CSMD3: variants seen among roughly 807,000 people sequenced by gnomAD.
The protein encoded by CSMD3 is CUB and Sushi multiple domains 3.
Under a neutral mutation model 435.2 loss-of-function variants are expected in CSMD3, and 177 were observed. The observed-to-expected ratio is 0.41, with a 90% confidence interval of 0.36 to 0.46. The LOEUF (loss-of-function observed/expected upper bound fraction) is 0.46, where lower values mean the gene tolerates loss of function less well. Ranked by LOEUF, CSMD3 falls within the 20% of genes least tolerant of loss-of-function variation. The pLI is 0.34. For synonymous variants in CSMD3, 1,656 were observed against 1,520.5 expected, an observed-to-expected ratio of 1.09 and a Z score of -2.07; for missense variants, 4,265 against 4,504.6, an observed-to-expected ratio of 0.95 and a Z score of 1.52.
chr8:113,275,929 G>T (rs1038073289), intron 3 of CSMD3, among the ~76,000 whole-genome samples: 1 of 151,964 alleles, frequency 6.6e-6, no homozygotes, highest in Non-Finnish European at 1.5e-5. Flanking sequence ...TCATACACAG[G>T]GCAAGAGTTG....
At chr8:112,292,075 G>A (rs2130683119) in intron 55 of CSMD3, among the ~76,000 whole-genome samples, 1 of 151,838 alleles carries the variant, frequency 6.6e-6, no homozygotes, top group East Asian at 1.9e-4. Context: ...GAAAAACATC[G>A]AAGAGTTCTC....
chr8:112,948,981 T>A (rs1349169311), intron 8 of CSMD3, among the ~76,000 whole-genome samples: 1 of 152,002 alleles, frequency 6.6e-6, no homozygotes, highest in Non-Finnish European at 1.5e-5. Context: ...ACAATCATAG[T>A]TCACTGTAGC....
intron 15 of CSMD3, among the ~76,000 whole-genome samples, chr8:112,683,543 G>T (rs1440726076): frequency 6.6e-6 from 1 of 151,842 alleles, no homozygotes; most frequent in African/African-American, 2.4e-5. Context: ...TAATAAAAAT[G>T]GGTTTATTTG....
At chr8:112,973,960 A>G (rs1230305004) in intron 7 of CSMD3, among the ~76,000 whole-genome samples, 1 of 151,926 alleles carries the variant, frequency 6.6e-6, no homozygotes, top group Non-Finnish European at 1.5e-5. Context: ...TTTGAAAAAT[A>G]AATGAGGAAT....
At chr8:112,373,258 T>C (rs1249200107) in intron 38 of CSMD3, among the ~76,000 whole-genome samples, 1 of 152,094 alleles carries the variant, frequency 6.6e-6, no homozygotes, top group Admixed American at 6.6e-5. Context: ...CTGGTATTCA[T>C]AGTGTGATTA....
chr8:112,380,203 G>T (rs1302270785), intron 38 of CSMD3, 149 bp downstream of exon 38: 1 of 548,226 alleles, frequency 1.8e-6, no homozygotes, highest in Non-Finnish European at 3.2e-6. Context: ...TTTTGCAATT[G>T]AACTGAAGTA....
intron 1 of CSMD3, among the ~76,000 whole-genome samples, chr8:113,409,664 T>G (rs902696265): frequency 1.3e-5 from 2 of 152,198 alleles, no homozygotes; most frequent in Admixed American, 1.3e-4. Context: ...TCGGTTGAAG[T>G]TCTTTTATCA....
chr8:112,365,850 G>C (rs1467658659), intron 38 of CSMD3, among the ~76,000 whole-genome samples: 2 of 152,058 alleles, frequency 1.3e-5, no homozygotes, highest in Non-Finnish European at 2.9e-5. Flanking sequence ...AATTGAAGAG[G>C]ATCAATGTTT....
At chr8:112,517,514 GAA>G (rs1823802709) in intron 27 of CSMD3, among the ~76,000 whole-genome samples, 1 of 151,688 alleles carries the variant, frequency 6.6e-6, no homozygotes, top group African/African-American at 2.4e-5. Flanking sequence ...TATTTGTTAG[GAA>G]CATATCCGCA....
intron 10 of CSMD3, among the ~76,000 whole-genome samples, chr8:112,863,839 A>C (rs1009873725): frequency 3.3e-5 from 5 of 149,272 alleles, no homozygotes; most frequent in African/African-American, 1.2e-4. Context: ...CCATGCCTAC[A>C]GTCTCAGAAA....
chr8:112,716,673 C>G (rs1587060223), intron 13 of CSMD3, among the ~76,000 whole-genome samples: 1 of 152,132 alleles, frequency 6.6e-6, no homozygotes, highest in East Asian at 1.9e-4. Context: ...TGGCTTCAAA[C>G]TATACTACAA....
At chr8:113,404,124 G>A (rs1319864255) in intron 1 of CSMD3, among the ~76,000 whole-genome samples, 1 of 151,256 alleles carries the variant, frequency 6.6e-6, no homozygotes, top group Non-Finnish European at 1.5e-5. Flanking sequence ...GTAAAAAAGT[G>A]GGCTTAGAAA....
intron 3 of CSMD3, among the ~76,000 whole-genome samples, chr8:113,220,006 A>C (rs1354417755): frequency 6.6e-6 from 1 of 151,554 alleles, no homozygotes; most frequent in East Asian, 1.9e-4. Context: ...AAATAGCCTT[A>C]AACACGTGAA....
intron 5 of CSMD3, among the ~76,000 whole-genome samples, chr8:113,026,371 G>A (rs1005743593): frequency 1.3e-5 from 2 of 152,110 alleles, no homozygotes; most frequent in Non-Finnish European, 2.9e-5. Context: ...GAAGTATCCA[G>A]CATACTCTTC....
chr8:113,352,571 C>G lies in CSMD3; in HGVS notation c.179-37778G>C, dbSNP rs182089388. Among the ~76,000 whole-genome samples, 3 of 152,260 alleles carry G rather than the reference C, an allele frequency of 2.0e-5. No homozygotes were observed. The East Asian group carries it at 5.8e-4, about 29-fold the overall frequency. On this transcript the variant is annotated intron_variant, in intron 1 of 70. Coordinates refer to ENST00000297405, the MANE Select transcript of CSMD3 (RefSeq NM_198123.2). Reference sequence around the variant, plus strand: ...TTCTGCACACCTGCTAAGGACAGTGCTATGTCTAGAGCACAAAAGCAGGTG... The same window carrying G: ...TTCTGCACACCTGCTAAGGACAGTGGTATGTCTAGAGCACAAAAGCAGGTG...
intron 18 of CSMD3, among the ~76,000 whole-genome samples, chr8:112,650,951 A>G (rs73702370): frequency 0.022 from 2,574 of 117,752 alleles, 68 homozygotes; most frequent in African/African-American, 0.078. Flanking sequence ...TGGCTTCTCA[A>G]CCTCGGCACT....
intron 1 of CSMD3, among the ~76,000 whole-genome samples, chr8:113,383,412 C>CT (rs1401701794): frequency 1.3e-5 from 2 of 152,118 alleles, no homozygotes. Context: ...GCTGTAGACT[C>CT]TAACACAGGC....
rs997961 is a variant in CSMD3 at position 113,058,137 on chromosome 8, T to C, written c.918-38958A>G. Among the ~76,000 whole-genome samples, 711 of 152,052 alleles carry C rather than the reference T, an allele frequency of 4.7e-3. 5 individuals are homozygous for C. The highest frequency in any genetic ancestry group is 0.015 in the African/African-American group (620 of 41,564). On this transcript the variant is annotated intron_variant, in intron 5 of 70. Transcript: ENST00000297405. ...ATTGAAATATCAAAATTCCATAGAA[T>C]ATTTACATCAGTTGGTACACAGCTT...
At chr8:113,103,395 C>T (rs1029393997) in intron 4 of CSMD3, among the ~76,000 whole-genome samples, 1 of 152,086 alleles carries the variant, frequency 6.6e-6, no homozygotes, top group African/African-American at 2.4e-5. Context: ...TACACATTTA[C>T]ATAGCCCAGA....
Sources: gnomAD v4.1 joint callset for allele counts (sites outside exome capture counted in the v4.1 genomes callset) on GRCh38, gnomAD v4.1.1 for gene constraint, MANE v1.5 for transcripts, NCBI Gene and HGNC (gene_info 2026-07-23, HGNC 2026-07-21) for gene names.